STMND1: variants seen among roughly 807,000 people sequenced by gnomAD.
The protein encoded by STMND1 is stathmin domain containing 1, also known as stathmin domain-containing protein 1.
STMND1 carries 17 observed loss-of-function variants against 23.0 expected under a neutral mutation model. The ratio of observed to expected loss-of-function variants is 0.74; its 90% CI spans 0.51 to 1.11. The LOEUF is 1.11. Ranked by LOEUF, STMND1 falls within the 50% of genes least tolerant of loss-of-function variation. STMND1 has a pLI of 0.00. For synonymous variants in STMND1, 114 were observed against 119.9 expected (o/e 0.95, Z 0.32); for missense variants, 305 against 329.1 (o/e 0.93, Z 0.57).
At chr6:17,107,521 A>T (rs1213105535) in intron 1 of STMND1, among the ~76,000 whole-genome samples, 1 of 152,124 alleles carries the variant, frequency 6.6e-6, no homozygotes, top group Non-Finnish European at 1.5e-5. Context: ...TCACCATTCC[A>T]TCCCCTCCCC....
At chr6:17,102,485 T>G in intron 1 of STMND1, 147 bp downstream of exon 1, 1 of 805,552 alleles carries the variant, frequency 1.2e-6, no homozygotes, top group East Asian at 2.7e-5. Flanking sequence ...AACTTTATTC[T>G]GCCGGTGTTT....
intron 1 of STMND1, among the ~76,000 whole-genome samples, chr6:17,107,242 A>G (rs964783059): frequency 2.6e-5 from 4 of 152,206 alleles, no homozygotes; most frequent in Non-Finnish European, 5.9e-5. Flanking sequence ...CCCAAAAGCT[A>G]TAGAACAAAT....
intron 1 of STMND1, among the ~76,000 whole-genome samples, chr6:17,113,977 G>C (rs2113480905): frequency 6.6e-6 from 1 of 152,262 alleles, no homozygotes; most frequent in African/African-American, 2.4e-5. Flanking sequence ...CACAAATTTA[G>C]TGGCTTCAAA....
At chr6:17,122,559 T>C (rs1352379853) in intron 3 of STMND1, among the ~76,000 whole-genome samples, 2 of 152,112 alleles carry the variant, frequency 1.3e-5, no homozygotes, top group African/African-American at 4.8e-5. Context: ...TTAATTTCCT[T>C]CTTTGTGTAT....
intron 1 of STMND1, among the ~76,000 whole-genome samples, chr6:17,113,162 A>C (rs1402832004): frequency 6.6e-6 from 1 of 152,216 alleles, no homozygotes; most frequent in South Asian, 2.1e-4. Flanking sequence ...CTTATTTTCT[A>C]CTGTGTTTCT....
At chr6:17,108,346 C>CAT (rs10640428) in intron 1 of STMND1, among the ~76,000 whole-genome samples, 42,764 of 152,002 alleles carry the variant, frequency 0.28, 6,386 homozygotes, top group Non-Finnish European at 0.34. Context: ...CTCTCAATTC[C>CAT]CGTGGGCATT....
chr6:17,125,696 A>G (rs1427083514), intron 3 of STMND1, among the ~76,000 whole-genome samples: 5 of 152,186 alleles, frequency 3.3e-5, no homozygotes, highest in Non-Finnish European at 7.3e-5. Context: ...GAGGTCTAAC[A>G]GTGATAAAAC....
intron 4 of STMND1, among the ~76,000 whole-genome samples, chr6:17,129,544 A>T (rs1761357646): frequency 6.8e-6 from 1 of 146,822 alleles, no homozygotes; most frequent in Admixed American, 6.9e-5. Context: ...GCTGATTTAA[A>T]AAAAAAAAAA....
At chr6:17,129,857 A>G (rs567934468) in intron 4 of STMND1, among the ~76,000 whole-genome samples, 4 of 151,868 alleles carry the variant, frequency 2.6e-5, no homozygotes, top group African/African-American at 4.8e-5. Context: ...AAAAAAGAAA[A>G]AAAAAATTGT....
At chr6:17,129,089 T>C (rs1008570127) in intron 3 of STMND1, 23 bp from the exon 4 acceptor site, 27 of 1,533,042 alleles carry the variant, frequency 1.8e-5, no homozygotes, top group East Asian at 2.4e-5. Flanking sequence ...TGTTTCTTCA[T>C]GTAAAAAGAT....
At chr6:17,102,645 C>A (rs1170916947) in intron 1 of STMND1, among the ~76,000 whole-genome samples, 2 of 152,158 alleles carry the variant, frequency 1.3e-5, no homozygotes, top group Non-Finnish European at 2.9e-5. Context: ...GGTCACACCC[C>A]AGGGCACAGG....
intron 2 of STMND1, among the ~76,000 whole-genome samples, chr6:17,118,663 A>G (rs1211263028): frequency 6.6e-6 from 1 of 152,236 alleles, no homozygotes; most frequent in Admixed American, 6.5e-5. Context: ...GATGTCAAAC[A>G]TGACATTCCT....
At chr6:17,126,061 TATATA>T (rs1391260581) in intron 3 of STMND1, among the ~76,000 whole-genome samples, 15 of 27,474 alleles carry the variant, frequency 5.5e-4, no homozygotes, top group African/African-American at 4.4e-4. Flanking sequence ...TATATATATA[TATATA>T]TATATTTTTT....
At chr6:17,122,038 T>A (rs549534540) in intron 3 of STMND1, among the ~76,000 whole-genome samples, 4 of 152,070 alleles carry the variant, frequency 2.6e-5, no homozygotes, top group African/African-American at 9.7e-5. Flanking sequence ...AATTTTTGTA[T>A]TTTTAGTAGA....
chr6:17,105,240 T>G (rs1280565766), intron 1 of STMND1, among the ~76,000 whole-genome samples: 1 of 152,238 alleles, frequency 6.6e-6, no homozygotes, highest in African/African-American at 2.4e-5. Context: ...TGACTGTACT[T>G]ATTTTGTAGA....
At position 17,130,904 on chromosome 6, in the gene STMND1, A is replaced by G; in HGVS notation, c.*23A>G. ...TAAGCCATTTTTTGTGAATTTCATA[A>G]GAAAGCATTCATTCTCCCCATTTGT... On this transcript the variant is annotated 3_prime_UTR_variant, in exon 5 of 5. Transcript: ENST00000536551. 6.7e-7 allele frequency: 1 copy of G among 1,488,508 alleles called. No individual in the cohort carries two copies. Among genetic ancestry groups the G allele is most frequent in the South Asian group, 1.3e-5 (1 of 76,284 alleles). 92.2% of individuals were successfully genotyped at this position (1,488,508 alleles called of 1,614,324 possible). A position where few individuals can be genotyped will look rare whatever the true frequency, so the allele number is the denominator to read the frequency against.
chr6:17,120,140 A>T (rs1287448938), intron 2 of STMND1, among the ~76,000 whole-genome samples: 1 of 152,266 alleles, frequency 6.6e-6, no homozygotes, highest in African/African-American at 2.4e-5. Flanking sequence ...GCGTAATTAT[A>T]AACTTAGGGT....
chr6:17,103,816 C>T (rs1370916391), intron 1 of STMND1, among the ~76,000 whole-genome samples: 1 of 152,002 alleles, frequency 6.6e-6, no homozygotes. Flanking sequence ...GTGATCCACC[C>T]GCCCCAGCCT....
chr6:17,107,898 G>C (rs1389692269), intron 1 of STMND1, among the ~76,000 whole-genome samples: 1 of 152,178 alleles, frequency 6.6e-6, no homozygotes, highest in Admixed American at 6.5e-5. Context: ...GAGAGGCATA[G>C]ATCTAATTAA....
Sources: allele counts gnomAD v4.1 joint callset (sites outside exome capture counted in the v4.1 genomes callset), GRCh38; gene constraint gnomAD v4.1.1; transcripts MANE v1.5; gene names NCBI Gene and HGNC (gene_info 2026-07-23, HGNC 2026-07-21).